IL1RAPL2: variants seen among roughly 807,000 people sequenced by gnomAD.
IL1RAPL2 encodes the protein X-linked interleukin-1 receptor accessory protein-like 2.
IL1RAPL2 carries 3 observed loss-of-function variants against 44.1 expected under a neutral mutation model. The ratio of observed to expected loss-of-function variants is 0.07; its 90% confidence interval spans 0.03 to 0.18. The LOEUF is 0.18. Among genes scored for constraint, IL1RAPL2 ranks in the 10% least tolerant of loss-of-function variants. IL1RAPL2 has a pLI of 1.00. For missense variants in IL1RAPL2, 391 were observed against 496.4 expected (o/e 0.79, Z 2.02); for synonymous variants, 181 against 178.8 (o/e 1.01, Z -0.10).
intron 2 of IL1RAPL2, among the ~76,000 whole-genome samples, chrX:105,044,301 T>C (rs755577368): frequency 9.0e-6 from 1 of 111,347 alleles, no homozygotes; most frequent in East Asian, 2.8e-4. Flanking sequence ...AATAGTTTTG[T>C]ATTTAAAGAC....
intron 5 of IL1RAPL2, among the ~76,000 whole-genome samples, chrX:105,448,713 A>G (rs1450472626): frequency 2.7e-5 from 3 of 110,026 alleles, no homozygotes; most frequent in Non-Finnish European, 3.8e-5. Context: ...TTTTCTCTAG[A>G]TCCTGTAGGT....
chrX:105,751,812 T>C (rs1277216723), intron 9 of IL1RAPL2, among the ~76,000 whole-genome samples: 1 of 112,214 alleles, frequency 8.9e-6, no homozygotes, highest in Non-Finnish European at 1.9e-5. Context: ...TAACTGCCTT[T>C]TGGAAATCTA....
At chrX:105,627,926 C>T (rs1461614588) in intron 6 of IL1RAPL2, among the ~76,000 whole-genome samples, 2 of 111,489 alleles carry the variant, frequency 1.8e-5, no homozygotes, top group Non-Finnish European at 3.8e-5. Context: ...TTGCTGAAAC[C>T]ATCGAGTACA....
intron 2 of IL1RAPL2, among the ~76,000 whole-genome samples, chrX:104,682,458 A>G (rs1930904830): frequency 8.9e-6 from 1 of 112,542 alleles, no homozygotes; most frequent in Non-Finnish European, 1.9e-5. Context: ...TCAACAGAAT[A>G]GAATCAGAGA....
intron 2 of IL1RAPL2, among the ~76,000 whole-genome samples, chrX:104,986,335 A>G (rs970353164): frequency 8.9e-6 from 1 of 112,247 alleles, no homozygotes. Context: ...AACCATGTTA[A>G]TCGTGGATAG....
At chrX:105,659,729 A>C (rs1292983085) in intron 6 of IL1RAPL2, among the ~76,000 whole-genome samples, 1 of 109,856 alleles carries the variant, frequency 9.1e-6, no homozygotes, top group African/African-American at 3.3e-5. Context: ...AATGTAATTG[A>C]CATACAGAAG....
intron 2 of IL1RAPL2, among the ~76,000 whole-genome samples, chrX:105,018,064 G>C (rs190679193): frequency 2.7e-5 from 3 of 111,691 alleles, no homozygotes; most frequent in Non-Finnish European, 5.7e-5. Flanking sequence ...CTCTTTCTTT[G>C]AGTTAAGGCT....
At chrX:105,071,546 G>C (rs926020844) in intron 2 of IL1RAPL2, among the ~76,000 whole-genome samples, 2 of 110,530 alleles carry the variant, frequency 1.8e-5, no homozygotes, top group Non-Finnish European at 3.8e-5. Flanking sequence ...AATCACAAAA[G>C]ATCCCAAAGA....
intron 5 of IL1RAPL2, among the ~76,000 whole-genome samples, chrX:105,390,868 T>G (rs1426726814): frequency 9.0e-6 from 1 of 111,241 alleles, no homozygotes; most frequent in Admixed American, 9.6e-5. Context: ...CAGATAAATC[T>G]AGTGAATAAG....
intron 6 of IL1RAPL2, among the ~76,000 whole-genome samples, chrX:105,572,509 T>A (rs905233873): frequency 8.9e-6 from 1 of 112,119 alleles, no homozygotes; most frequent in African/African-American, 3.2e-5. Flanking sequence ...TTAAGTAAAC[T>A]CAACTTTGAA....
chrX:104,874,114 A>G (rs1922835962), intron 2 of IL1RAPL2, among the ~76,000 whole-genome samples: 1 of 109,276 alleles, frequency 9.2e-6, no homozygotes, highest in African/African-American at 3.3e-5. Context: ...TATGATAAGG[A>G]TTATCATCAT....
chrX:105,076,701 G>T (rs1181942743), intron 2 of IL1RAPL2, among the ~76,000 whole-genome samples: 2 of 111,355 alleles, frequency 1.8e-5, no homozygotes, highest in Non-Finnish European at 3.8e-5. Context: ...GGTCACTAAG[G>T]ACTTGCTTTA....
chrX:105,100,649 G>A (rs73638477), intron 2 of IL1RAPL2, among the ~76,000 whole-genome samples: 1,965 of 111,932 alleles, frequency 0.018, 46 homozygotes, highest in African/African-American at 0.06. Context: ...AACTCCAGAG[G>A]TGGTAGGGCT....
chrX:104,583,015 G>A (rs1295324593), intron 1 of IL1RAPL2, among the ~76,000 whole-genome samples: 1 of 107,205 alleles, frequency 9.3e-6, no homozygotes, highest in East Asian at 2.9e-4. Flanking sequence ...AGCCTCCCTA[G>A]TAGCTGAGAT....
rs184672167 is a variant in IL1RAPL2, at chrX:105,176,301, G to A, written c.83-19174G>A. 5.4e-5 allele frequency among the ~76,000 whole-genome samples: 6 copies of A among 111,056 alleles called. No individual in the cohort carries two copies. In the East Asian group the frequency reaches 1.7e-3, roughly 32 times the overall value. On this transcript the variant is annotated intron_variant, in intron 2 of 10. Coordinates refer to ENST00000372582, the MANE Select transcript of IL1RAPL2 (RefSeq NM_017416.2). ...TCCCAGAGGGAAAAAGGTGAGGCCA[G>A]CATACTGGGTAGTTATTAGGGCACT... is the stretch of plus-strand genomic sequence containing the variant.
intron 5 of IL1RAPL2, among the ~76,000 whole-genome samples, chrX:105,317,840 C>T (rs2034856583): frequency 1.8e-5 from 2 of 111,348 alleles, no homozygotes; most frequent in South Asian, 7.6e-4. Context: ...CCATTATTTC[C>T]ACTTCACAAA....
At chrX:104,746,981 T>C (rs912782181) in intron 2 of IL1RAPL2, among the ~76,000 whole-genome samples, 1 of 111,727 alleles carries the variant, frequency 9.0e-6, no homozygotes, top group Non-Finnish European at 1.9e-5. Context: ...ATCTAACATT[T>C]TATCCAGGCA....
chrX:105,346,166 G>A (rs2035108836), intron 5 of IL1RAPL2, among the ~76,000 whole-genome samples: 1 of 111,954 alleles, frequency 8.9e-6, no homozygotes, highest in Non-Finnish European at 1.9e-5. Flanking sequence ...TGAATGGGCT[G>A]TCTCTCACTT....
At chrX:104,921,433 C>A (rs1924636459) in intron 2 of IL1RAPL2, among the ~76,000 whole-genome samples, 1 of 112,379 alleles carries the variant, frequency 8.9e-6, no homozygotes, top group Admixed American at 9.4e-5. Context: ...CCGGTCTGGC[C>A]ATTCCCACAG....
Sources: gnomAD v4.1 joint callset for allele counts (sites outside exome capture counted in the v4.1 genomes callset) on GRCh38, gnomAD v4.1.1 for gene constraint, MANE v1.5 for transcripts, NCBI Gene and HGNC (gene_info 2026-07-23, HGNC 2026-07-21) for gene names.